The following HECW1 variants were observed in gnomAD, a reference collection of about 807,000 sequenced individuals.
The protein encoded by HECW1 is E3 ubiquitin-protein ligase HECW1.
A neutral mutation model predicts 182.3 loss-of-function variants in HECW1; 61 were observed. The observed-to-expected ratio is 0.33, with a 90% CI of 0.27 to 0.41. HECW1 has a LOEUF of 0.41. HECW1 is among the 10% of genes least tolerant of loss of function. HECW1 has a pLI of 1.00. For synonymous variants in HECW1, 859 were observed against 832.6 expected (o/e 1.03, Z -0.55); for missense variants, 1,739 against 2,108.9 (o/e 0.82, Z 3.44).
At chr7:43,438,901 A>G (rs1487171673) in intron 9 of HECW1, 2 of 152,252 alleles carry the variant, frequency 1.3e-5, no homozygotes, top group African/African-American at 4.8e-5. Context: ...TGAGAAAAAA[A>G]TATGCAGAAT....
At chr7:43,173,494 A>G (rs1244970556) in intron 2 of HECW1, among the ~76,000 whole-genome samples, 1 of 152,200 alleles carries the variant, frequency 6.6e-6, no homozygotes, top group Admixed American at 6.5e-5. Flanking sequence ...CTCATGGAAG[A>G]CAATTTTTCC....
intron 3 of HECW1, among the ~76,000 whole-genome samples, chr7:43,255,563 C>T (rs1319247180): frequency 2.0e-5 from 3 of 150,278 alleles, no homozygotes; most frequent in East Asian, 3.9e-4. Flanking sequence ...CACCACTGCA[C>T]TCCAGCCTGG....
chr7:43,218,943 CG>C (rs1263078039), intron 2 of HECW1, among the ~76,000 whole-genome samples: 1 of 152,040 alleles, frequency 6.6e-6, no homozygotes, highest in Non-Finnish European at 1.5e-5. Flanking sequence ...AGAGCAGTGC[CG>C]GGGAGCCAAG....
intron 6 of HECW1, among the ~76,000 whole-genome samples, chr7:43,381,552 G>A (rs556533803): frequency 1.3e-5 from 2 of 150,142 alleles, no homozygotes; most frequent in Non-Finnish European, 3.0e-5. Flanking sequence ...GCAGTGGTGC[G>A]ATATCCGCTC....
intron 16 of HECW1, among the ~76,000 whole-genome samples, chr7:43,469,648 TA>T (rs2077936317): frequency 1.3e-5 from 2 of 152,206 alleles, no homozygotes; most frequent in Admixed American, 6.5e-5. Flanking sequence ...TGTATAACCT[TA>T]ACCCAAACTG....
intron 5 of HECW1, among the ~76,000 whole-genome samples, chr7:43,360,283 CT>C (rs1430146736): frequency 1.3e-5 from 2 of 150,712 alleles, no homozygotes; most frequent in Non-Finnish European, 2.9e-5. Flanking sequence ...GTGATTATAA[CT>C]CTCTGCAGCA....
Position 43,415,001 on chromosome 7 carries a change from T to C in HECW1, c.801+7270T>C, listed in dbSNP as rs1420800478. Among the ~76,000 whole-genome samples the C allele has an allele frequency of 5.9e-5, 9 of 152,336 alleles. No homozygotes were observed. In the East Asian group the frequency reaches 1.7e-3, roughly 29 times the overall value. ...GAGGCCAATTTGCCAGTCTGTGTCT[T>C]TTAATTGGAGCATTTAGCCCATTTA... is the stretch of plus-strand genomic sequence containing the variant. On this transcript the variant is annotated intron_variant, in intron 8 of 29. Coordinates refer to ENST00000395891, the MANE Select transcript of HECW1 (RefSeq NM_015052.5).
chr7:43,532,370 C>T (rs1280628227), intron 24 of HECW1, among the ~76,000 whole-genome samples: 4 of 152,100 alleles, frequency 2.6e-5, no homozygotes, highest in Admixed American at 2.6e-4. Context: ...CACCTCTCTC[C>T]ATGCATCATC....
chr7:43,179,471 G>A (rs2152674346), intron 2 of HECW1, among the ~76,000 whole-genome samples: 1 of 152,232 alleles, frequency 6.6e-6, no homozygotes, highest in South Asian at 2.1e-4. Context: ...TATTTTACTG[G>A]TACCTGAACG....
At chr7:43,366,408 T>C (rs1248801682) in intron 6 of HECW1, among the ~76,000 whole-genome samples, 2 of 152,152 alleles carry the variant, frequency 1.3e-5, no homozygotes, top group Non-Finnish European at 2.9e-5. Context: ...TTCTTGGGGA[T>C]TTTAAAAGTA....
intron 6 of HECW1, among the ~76,000 whole-genome samples, chr7:43,372,347 G>T (rs977746948): frequency 6.6e-6 from 1 of 152,014 alleles, no homozygotes; most frequent in East Asian, 1.9e-4. Flanking sequence ...TACTAACAAA[G>T]GGTTATTTTC....
At chr7:43,505,352 C>G (rs1468923573) in intron 21 of HECW1, among the ~76,000 whole-genome samples, 3 of 152,222 alleles carry the variant, frequency 2.0e-5, no homozygotes, top group Non-Finnish European at 2.9e-5. Flanking sequence ...TTCATCTCCA[C>G]TGACGCCAGC....
At chr7:43,185,560 A>G (rs1164732528) in intron 2 of HECW1, among the ~76,000 whole-genome samples, 1 of 152,216 alleles carries the variant, frequency 6.6e-6, no homozygotes, top group Non-Finnish European at 1.5e-5. Context: ...AGTGTTTGCT[A>G]GAGAATCCCC....
At chr7:43,533,066 C>T (rs2081054848) in intron 24 of HECW1, among the ~76,000 whole-genome samples, 1 of 152,118 alleles carries the variant, frequency 6.6e-6, no homozygotes, top group Admixed American at 6.6e-5. Flanking sequence ...TCACTCTCCA[C>T]CGCCAGTGGA....
chr7:43,402,259 T>C (rs1187381372), intron 7 of HECW1, among the ~76,000 whole-genome samples: 2 of 152,218 alleles, frequency 1.3e-5, no homozygotes, highest in African/African-American at 4.8e-5. Context: ...AAAGGAGCAC[T>C]GTAACTCACC....
At chr7:43,224,456 C>G (rs1028992972) in intron 2 of HECW1, among the ~76,000 whole-genome samples, 1 of 152,198 alleles carries the variant, frequency 6.6e-6, no homozygotes, top group Non-Finnish European at 1.5e-5. Context: ...GGCATTTGTA[C>G]TTGTGCAGAA....
intron 3 of HECW1, among the ~76,000 whole-genome samples, chr7:43,308,296 ATT>A (rs1392297583): frequency 2.4e-5 from 3 of 125,456 alleles, no homozygotes; most frequent in African/African-American, 9.3e-5. Flanking sequence ...ATTTATATAT[ATT>A]ATATGATATA....
chr7:43,145,449 C>T (rs945348602), intron 2 of HECW1, among the ~76,000 whole-genome samples: 17 of 152,210 alleles, frequency 1.1e-4, no homozygotes, highest in African/African-American at 3.6e-4. Context: ...ATATGTGCCA[C>T]CACGCCTGGC....
chr7:43,171,426 A>G (rs916300966), intron 2 of HECW1, among the ~76,000 whole-genome samples: 4 of 152,320 alleles, frequency 2.6e-5, no homozygotes, highest in Non-Finnish European at 5.9e-5. Flanking sequence ...AGCTTGAATG[A>G]ACGTTGAAAA....
Sources: gnomAD v4.1 joint callset for allele counts (sites outside exome capture counted in the v4.1 genomes callset) on GRCh38, gnomAD v4.1.1 for gene constraint, MANE v1.5 for transcripts, NCBI Gene and HGNC (gene_info 2026-07-23, HGNC 2026-07-21) for gene names.